The following NBEA variants were observed in gnomAD, a reference collection of about 807,000 sequenced individuals.
NBEA encodes the protein neurobeachin.
A neutral mutation model predicts 343.4 loss-of-function variants in NBEA; 44 were observed. The ratio of observed to expected loss-of-function variants is 0.13; its 90% CI spans 0.10 to 0.16. The LOEUF is 0.16. Ranked by LOEUF, NBEA falls within the 10% of genes least tolerant of loss-of-function variation. The pLI, the probability that NBEA is intolerant of heterozygous loss-of-function variation, is 1.00. For synonymous variants in NBEA, 1,175 were observed against 1,238.7 expected (o/e 0.95, Z 1.08); for missense variants, 2,555 against 3,631.3 (o/e 0.70, Z 7.62).
At chr13:35,057,381 G>A (rs1332638985) in intron 7 of NBEA, among the ~76,000 whole-genome samples, 1 of 152,082 alleles carries the variant, frequency 6.6e-6, no homozygotes, top group African/African-American at 2.4e-5. Context: ...CCTGTTTCTG[G>A]TTTTGTGTAA....
chr13:35,116,885 T>C (rs964852059), intron 13 of NBEA, among the ~76,000 whole-genome samples: 2 of 152,070 alleles, frequency 1.3e-5, no homozygotes, highest in African/African-American at 4.8e-5. Flanking sequence ...TTTTCACTTA[T>C]TGACGCAGCA....
At chr13:35,240,646 A>G (rs538986472) in intron 34 of NBEA, among the ~76,000 whole-genome samples, 1 of 151,490 alleles carries the variant, frequency 6.6e-6, no homozygotes, top group South Asian at 2.1e-4. Flanking sequence ...CCTGTAGCTT[A>G]AAAGAGATTT....
At chr13:35,162,994 G>A (rs593693) in intron 23 of NBEA, among the ~76,000 whole-genome samples, 150,520 of 152,182 alleles carry the variant, frequency 0.99, 74,456 homozygotes, top group East Asian at 1. Flanking sequence ...GATGGTAACT[G>A]AGGAAACCTA....
At chr13:35,191,849 G>T (rs2152738961) in intron 30 of NBEA, among the ~76,000 whole-genome samples, 1 of 152,134 alleles carries the variant, frequency 6.6e-6, no homozygotes, top group African/African-American at 2.4e-5. Context: ...AAGACATATT[G>T]AAATTCTTCA....
At chr13:34,953,508 C>T (rs1184472931) in intron 1 of NBEA, among the ~76,000 whole-genome samples, 1 of 152,102 alleles carries the variant, frequency 6.6e-6, no homozygotes, top group Non-Finnish European at 1.5e-5. Flanking sequence ...AGCTCTTACC[C>T]CTATTTAAGT....
At chr13:35,198,416 A>G (rs1004855788) in intron 31 of NBEA, among the ~76,000 whole-genome samples, 3 of 152,192 alleles carry the variant, frequency 2.0e-5, no homozygotes, top group Non-Finnish European at 4.4e-5. Flanking sequence ...AATGAAATAA[A>G]CATTAAGTAA....
Position 35,286,554 on chromosome 13 carries a change from A to G in NBEA, c.5777-3835A>G, listed in dbSNP as rs137906171. Among the ~76,000 whole-genome samples, 36 of 152,290 alleles carry G rather than the reference A, an allele frequency of 2.4e-4. No individual in the cohort carries two copies. In the East Asian group the frequency reaches 6.9e-3, roughly 29 times the overall value. On this transcript the variant is annotated intron_variant, in intron 34 of 58. Transcript: ENST00000379939. Reference sequence around the variant, plus strand: ...TTTTTCAACGGTATTTTAAAGCTTTAGGGCTCTTTTAACTTGATATTCAAT... The same window carrying G: ...TTTTTCAACGGTATTTTAAAGCTTTGGGGCTCTTTTAACTTGATATTCAAT...
intron 34 of NBEA, among the ~76,000 whole-genome samples, chr13:35,285,464 T>G (rs1034308000): frequency 6.6e-6 from 1 of 152,184 alleles, no homozygotes; most frequent in African/African-American, 2.4e-5. Context: ...TCTTTTATTG[T>G]GAGGAGAAAT....
chr13:35,161,005 T>C (rs2069515476), intron 22 of NBEA, among the ~76,000 whole-genome samples: 1 of 152,204 alleles, frequency 6.6e-6, no homozygotes. Context: ...GTCTTTGTAC[T>C]CCAGTAAGAA....
chr13:35,018,078 G>C (rs191420004), intron 1 of NBEA, among the ~76,000 whole-genome samples: 1 of 151,920 alleles, frequency 6.6e-6, no homozygotes, highest in East Asian at 1.9e-4. Flanking sequence ...GTTTATTTTT[G>C]GACTTTCTAT....
intron 38 of NBEA, among the ~76,000 whole-genome samples, chr13:35,395,337 C>T (rs1187473498): frequency 6.6e-6 from 1 of 152,020 alleles, no homozygotes; most frequent in South Asian, 2.1e-4. Flanking sequence ...CTCATGAGAT[C>T]TGCTTGTTTA....
chr13:35,524,434 C>T (rs1406906059), intron 41 of NBEA, among the ~76,000 whole-genome samples: 1 of 152,194 alleles, frequency 6.6e-6, no homozygotes, highest in Non-Finnish European at 1.5e-5. Context: ...CCCCCAAGTA[C>T]TTAGTAGAGT....
chr13:35,027,897 G>A (rs1364527115), intron 1 of NBEA, among the ~76,000 whole-genome samples: 1 of 151,824 alleles, frequency 6.6e-6, no homozygotes, highest in African/African-American at 2.4e-5. Flanking sequence ...TTGGCCTGTT[G>A]ATAACCAGTT....
Position 35,105,900 on chromosome 13 carries a change from A to G in NBEA, c.1681-3390A>G, listed in dbSNP as rs571649451. Among the ~76,000 whole-genome samples, 15 of 152,188 alleles carry G rather than the reference A, an allele frequency of 9.9e-5. No homozygotes were observed. In the South Asian group the frequency reaches 2.7e-3, roughly 27 times the overall value. On this transcript the variant is annotated intron_variant, in intron 11 of 58. Transcript: ENST00000379939. ...GTGTGTGTATATTATGCTTTCTACA[A>G]TAAAAATGAACATTTCTGATAACCT...
At chr13:35,600,124 G>A (rs144194212) in intron 47 of NBEA, among the ~76,000 whole-genome samples, 3,584 of 152,262 alleles carry the variant, frequency 0.024, 65 homozygotes, top group Middle Eastern at 0.085. Flanking sequence ...GAAGAGGCAG[G>A]TCCTAAGTTG....
At chr13:35,361,845 G>A (rs557415487) in intron 38 of NBEA, among the ~76,000 whole-genome samples, 5 of 152,014 alleles carry the variant, frequency 3.3e-5, no homozygotes, top group African/African-American at 1.2e-4. Context: ...CAGATGCTTC[G>A]TTACTGTAGG....
chr13:35,475,765 G>C, intron 41 of NBEA: 1 of 1,613,918 alleles, frequency 6.2e-7, no homozygotes, highest in Non-Finnish European at 8.5e-7. Context: ...GATTTTGCGC[G>C]CCGAGAGGTA....
chr13:35,147,231 A>G (rs1290556426), intron 18 of NBEA, among the ~76,000 whole-genome samples: 1 of 152,202 alleles, frequency 6.6e-6, no homozygotes, highest in African/African-American at 2.4e-5. Flanking sequence ...TCCCCAGATG[A>G]CAGATTGTTA....
chr13:35,452,159 A>T lies in NBEA; in HGVS notation c.6372A>T (p.Ala2124=). ...GTCAAGCAATAGTGAACCAAAATGC[A>T]GAGACAGAACTTATGCTGGAAGGAG... ...FRSQAIVNQN[A]ETELMLEGDD... is the part of the protein sequence containing the mutation. The change falls in exon 40 of 59, where the codon GCA becomes GCT. Residue 2124 remains alanine (A), a synonymous_variant. Transcript: ENST00000379939. 1 of 1,610,674 alleles carries T rather than the reference A, an allele frequency of 6.2e-7. No individual in the cohort carries two copies.
Sources: gnomAD v4.1 joint callset for allele counts (sites outside exome capture counted in the v4.1 genomes callset) on GRCh38, gnomAD v4.1.1 for gene constraint, MANE v1.5 for transcripts, NCBI Gene and HGNC (gene_info 2026-07-23, HGNC 2026-07-21) for gene names.